The following HOXD13 variants were observed in gnomAD, a reference collection of about 807,000 sequenced individuals.
HOXD13 encodes the protein homeobox protein Hox-D13.
In HOXD13, 16 loss-of-function variants were observed where a neutral mutation model predicts 27.3. The ratio of observed to expected loss-of-function variants is 0.59; its 90% CI spans 0.40 to 0.89. The LOEUF is 0.89. HOXD13 is among the 40% of genes least tolerant of loss of function. The probability of loss-of-function intolerance (pLI) is 0.00; values close to 1 mark genes in which losing one functional copy is unlikely to be tolerated. For missense variants in HOXD13, 481 were observed against 482.6 expected, an observed-to-expected ratio of 1.00 and a Z score of 0.03; for synonymous variants, 241 against 219.0, an observed-to-expected ratio of 1.10 and a Z score of -0.89.
chr2:176,095,287 G>A lies in HOXD13; in HGVS notation c.*557G>A, dbSNP rs1425496262. ...CTAAAAACAGGAGGCTGAAGGTACT[G>A]TGATGGCTTTAAAAATGGCCACCTT... On this transcript the variant is annotated 3_prime_UTR_variant, in exon 2 of 2. Transcript: ENST00000392539. 5 of 228,868 alleles carry A rather than the reference G, an allele frequency of 2.2e-5. No individual in the cohort carries two copies. In the East Asian group the frequency reaches 3.2e-4, roughly 14 times the overall value. The allele number at this position is 228,868 out of a possible 1,614,324, so 14.2% of individuals were successfully genotyped here.
At chr2:176,089,735 G>A (rs569957026), upstream of HOXD13, among the ~76,000 whole-genome samples, 1 of 152,348 alleles carries the variant, frequency 6.6e-6, no homozygotes, top group East Asian at 1.9e-4. Flanking sequence ...AGGAGCAAGT[G>A]ATGGGAGAAT....
At chr2:176,087,798 T>G (rs1392191900), upstream of HOXD13, among the ~76,000 whole-genome samples, 6 of 152,232 alleles carry the variant, frequency 3.9e-5, no homozygotes, top group East Asian at 1.2e-3. Flanking sequence ...AGGACTTCCT[T>G]CGCATGGACT....
rs568205324 is a variant in HOXD13 at position 176,095,402 on chromosome 2, A to G, written c.*672A>G. 2.2e-5 allele frequency: 5 copies of G among 229,566 alleles called. No individual in the cohort carries two copies. The Admixed American group carries it at 2.8e-4, about 13-fold the overall frequency. The allele number at this position is 229,566 out of a possible 1,614,324, so 14.2% of individuals were successfully genotyped here. On this transcript the variant is annotated 3_prime_UTR_variant, in exon 2 of 2. Coordinates refer to ENST00000392539, the MANE Select transcript of HOXD13 (RefSeq NM_000523.4). Reference sequence around the variant, plus strand: ...GCTGTTTTAATTGTTTGTTTTTAACACTTTGTAGGTTTGTGTTTTCATAAT... The same window carrying G: ...GCTGTTTTAATTGTTTGTTTTTAACGCTTTGTAGGTTTGTGTTTTCATAAT...
At position 176,092,950 on chromosome 2, in the gene HOXD13, T is replaced by G. The variant is rs981893175; in HGVS notation, c.60T>G (p.Gly20=). ...DGLRADGGGA[G]GAPASSSSSS... ...TGCGGGCAGACGGCGGGGGCGCCGG[T>G]GGCGCCCCGGCCTCTTCCTCCTCCT... Residue 20 remains glycine, a synonymous_variant, in exon 1 of 2, where the codon GGT becomes GGG. Transcript: ENST00000392539. 18 of 1,323,666 alleles carry G rather than the reference T, an allele frequency of 1.4e-5. No individual in the cohort carries two copies. Among genetic ancestry groups the G allele is most frequent in the African/African-American group, 3.1e-5 (2 of 64,496 alleles). The allele number at this position is 1,323,666 out of a possible 1,614,324, so 82.0% of individuals were successfully genotyped here. A position where few individuals can be genotyped will look rare whatever the true frequency, so the allele number is the denominator to read the frequency against.
chr2:176,087,911 T>G (rs1214780594), upstream of HOXD13, among the ~76,000 whole-genome samples: 3 of 152,262 alleles, frequency 2.0e-5, no homozygotes, highest in African/African-American at 7.2e-5. Flanking sequence ...CAGCGGGTCC[T>G]CTGAGGTGAA....
rs545467978 is a variant in HOXD13, at chr2:176,094,285, A to G, written c.782-195A>G. 2.0e-5 allele frequency among the ~76,000 whole-genome samples: 3 copies of G among 152,300 alleles called. No homozygotes were observed. The East Asian group carries it at 5.8e-4, about 29-fold the overall frequency. ...CAAATTAACCATTGTTGTTAAGTGCAAATAATCCTTCTTTAATAACAGGTA... is the reference window on the plus strand; with the variant it reads ...CAAATTAACCATTGTTGTTAAGTGCGAATAATCCTTCTTTAATAACAGGTA... On this transcript the variant is annotated intron_variant, in intron 1 of 1. Transcript: ENST00000392539.
Position 176,093,066 on chromosome 2 carries a change from C to T in HOXD13, c.176C>T (p.Ala59Val). The T allele has an allele frequency of 7.3e-7, 1 of 1,363,002 alleles. No individual in the cohort carries two copies. Among genetic ancestry groups the T allele is most frequent in the Non-Finnish European group, 9.4e-7 (1 of 1,064,382 alleles). The allele number at this position is 1,363,002 out of a possible 1,614,324, so 84.4% of individuals were successfully genotyped here. A position where few individuals can be genotyped will look rare whatever the true frequency, so the allele number is the denominator to read the frequency against. ...FAGTHSGRAA[A>V]AAAAAAAAAA... Reference sequence around the variant, plus strand: ...GGGACGCATTCGGGGCGGGCGGCGGCGGCGGCAGCGGCGGCTGCGGCGGCG... The same window carrying T: ...GGGACGCATTCGGGGCGGGCGGCGGTGGCGGCAGCGGCGGCTGCGGCGGCG... Residue 59 changes from alanine (A) to valine (V), a missense_variant, in exon 1 of 2, where the codon GCG becomes GTG. By Grantham distance (64) the Ala-to-Val change is moderately conservative (BLOSUM62 0). Transcript: ENST00000392539.
chr2:176,088,559 T>TA (rs1559105993), upstream of HOXD13, among the ~76,000 whole-genome samples: 2 of 151,800 alleles, frequency 1.3e-5, no homozygotes, highest in African/African-American at 4.8e-5. Context: ...CCCTTTCGGC[T>TA]CCCCCCTTCG....
Position 176,092,928 on chromosome 2 carries a change from G to A in HOXD13, c.38G>A (p.Arg13Gln), listed in dbSNP as rs1689343861. The change falls in exon 1 of 2, where the codon CGG (arginine) becomes CAG (glutamine). Residue 13 changes from arginine to glutamine, a missense_variant. Coordinates refer to ENST00000392539, the MANE Select transcript of HOXD13 (RefSeq NM_000523.4). ...GGGAGCTGGGACATGGACGGGCTGC[G>A]GGCAGACGGCGGGGGCGCCGGTGGC... ...RAGSWDMDGLRADGGGAGGAP... is the reference protein window; with the variant it reads ...RAGSWDMDGLQADGGGAGGAP... 2 of 1,332,170 alleles carry A rather than the reference G, an allele frequency of 1.5e-6. No individual in the cohort carries two copies. The highest frequency in any genetic ancestry group is 1.5e-5 in the African/African-American group (1 of 64,850). 82.5% of individuals were successfully genotyped at this position (1,332,170 alleles called of 1,614,324 possible).
At chr2:176,091,870 C>T (rs1384122402), upstream of HOXD13, among the ~76,000 whole-genome samples, 2 of 152,022 alleles carry the variant, frequency 1.3e-5, no homozygotes, top group Admixed American at 6.5e-5. Flanking sequence ...TGGCTTTCTC[C>T]CCCGGCGCCG....
chr2:176,093,217 A>G lies in HOXD13; in HGVS notation c.327A>G (p.Ala109=), dbSNP rs1689353867. Residue 109 remains alanine, a synonymous_variant, in exon 1 of 2, where the codon GCA becomes GCG. Coordinates refer to ENST00000392539, the MANE Select transcript of HOXD13 (RefSeq NM_000523.4). ...CTCCCCCAGCCAAAGAGTGCCCAGCACCCACGCCTGCAGCGGCCGCTGCAG... is the reference window on the plus strand; with the variant it reads ...CTCCCCCAGCCAAAGAGTGCCCAGCGCCCACGCCTGCAGCGGCCGCTGCAG... ...PEAPPAKECP[A]PTPAAAAAAP... 6.2e-7 allele frequency: 1 copy of G among 1,608,666 alleles called. No homozygotes were observed. Among genetic ancestry groups the G allele is most frequent in the African/African-American group, 1.3e-5 (1 of 74,836 alleles).
At chr2:176,088,342 G>T (rs1303285595), upstream of HOXD13, among the ~76,000 whole-genome samples, 4 of 152,246 alleles carry the variant, frequency 2.6e-5, no homozygotes, top group Non-Finnish European at 5.9e-5. Flanking sequence ...CACTCCCGTC[G>T]CAATCCCGCG....
In HOXD13 at chr2:176,094,792, GA is replaced by G; in HGVS notation, c.*65del. 1 of 1,455,414 alleles carries G rather than the reference GA, an allele frequency of 6.9e-7. No individual in the cohort carries two copies. The highest frequency in any genetic ancestry group is 9.6e-7 in the Non-Finnish European group (1 of 1,036,418). The allele number at this position is 1,455,414 out of a possible 1,614,324, so 90.2% of individuals were successfully genotyped here. ...TTCGGTTGTCTCCAAAAGGCCTTTG[GA>G]AAGACTTGAATATGTATTTAATTCC... On this transcript the variant is annotated 3_prime_UTR_variant, in exon 2 of 2. Transcript: ENST00000392539.
rs755848849 is a variant in HOXD13, at chr2:176,093,380, G to T, written c.490G>T (p.Val164Leu). 1 of 1,613,970 alleles carries T rather than the reference G, an allele frequency of 6.2e-7. No individual in the cohort carries two copies. Among genetic ancestry groups the T allele is most frequent in the Non-Finnish European group, 8.5e-7 (1 of 1,180,042 alleles). ...GCACGCCTCGCTGGGAGGCTTTCCC[G>T]TGGAGAAGTACATGGACGTGTCAGG... ...SPHASLGGFP[V>L]EKYMDVSGLA... The change falls in exon 1 of 2, where the codon GTG (valine) becomes TTG (leucine). Residue 164 changes from valine to leucine, a missense_variant. Physicochemically the swap from Val to Leu is conservative, Grantham distance 32. Coordinates refer to ENST00000392539, the MANE Select transcript of HOXD13 (RefSeq NM_000523.4).
At chr2:176,087,864 G>T, upstream of HOXD13, among the ~76,000 whole-genome samples, 1 of 152,250 alleles carries the variant, frequency 6.6e-6, no homozygotes, top group East Asian at 1.9e-4. Context: ...TAATTTTTTG[G>T]TTAGGTTTCC....
Position 176,094,484 on chromosome 2 carries a change from T to C in HOXD13, c.786T>C (p.Asp262=). The change falls in exon 2 of 2, where the codon GAT becomes GAC. Residue 262 remains aspartate (D), a synonymous_variant. Coordinates refer to ENST00000392539, the MANE Select transcript of HOXD13 (RefSeq NM_000523.4). ...SHFWKSSFPG[D]VALNQPDMCV... is the part of the protein sequence containing the mutation. ...TTGTGCTTTTGTTTGTATCAGGGGA[T>C]GTGGCTCTAAATCAGCCGGACATGT... The C allele has an allele frequency of 6.2e-7, 1 of 1,614,046 alleles. No individual in the cohort carries two copies. Among genetic ancestry groups the C allele is most frequent in the Non-Finnish European group, 8.5e-7 (1 of 1,179,980 alleles).
At position 176,095,457 on chromosome 2, in the gene HOXD13, G is replaced by A. The variant is rs529470540; in HGVS notation, c.*727G>A. On this transcript the variant is annotated 3_prime_UTR_variant, in exon 2 of 2. Transcript: ENST00000392539. Reference sequence around the variant, plus strand: ...AATTTGAAACTCATGTGTCCTCATGGATCGTGGATGCCTTCATTTCTTGAG... The same window carrying A: ...AATTTGAAACTCATGTGTCCTCATGAATCGTGGATGCCTTCATTTCTTGAG... 6 of 230,032 alleles carry A rather than the reference G, an allele frequency of 2.6e-5. 1 individual carries two copies. The highest frequency in any genetic ancestry group is 1.3e-4 in the African/African-American group (6 of 45,260). 14.2% of individuals were successfully genotyped at this position (230,032 alleles called of 1,614,324 possible).
chr2:176,091,059 G>A (rs1291111550), upstream of HOXD13, among the ~76,000 whole-genome samples: 1 of 152,160 alleles, frequency 6.6e-6, no homozygotes, highest in East Asian at 1.9e-4. Context: ...GAATTCTCTT[G>A]CTTTTCCTTT....
rs1166185321 is a variant in HOXD13 at position 176,092,985 on chromosome 2, C to T, written c.95C>T (p.Ala32Val). The stretch of plus-strand genomic sequence containing the variant: ...GCCTCTTCCTCCTCCTCATCGGTGG[C>T]GGCGGCGGCGGCGTCAGGCCAGTGC... ...APASSSSSSV[A>V]AAAASGQCRG... Residue 32 changes from alanine to valine, a missense_variant, in exon 1 of 2, where the codon GCG (alanine) becomes GTG (valine). Ala to Val is a moderately conservative substitution (Grantham distance 64). Coordinates refer to ENST00000392539, the MANE Select transcript of HOXD13 (RefSeq NM_000523.4). 38 of 1,341,916 alleles carry T rather than the reference C, an allele frequency of 2.8e-5. No homozygotes were observed. Among genetic ancestry groups the T allele is most frequent in the Non-Finnish European group, 3.4e-5 (36 of 1,049,378 alleles). 83.1% of individuals were successfully genotyped at this position (1,341,916 alleles called of 1,614,324 possible). A position where few individuals can be genotyped will look rare whatever the true frequency, so the allele number is the denominator to read the frequency against.
Sources: gnomAD v4.1 joint callset for allele counts (sites outside exome capture counted in the v4.1 genomes callset) on GRCh38, gnomAD v4.1.1 for gene constraint, MANE v1.5 for transcripts, NCBI Gene and HGNC (gene_info 2026-07-23, HGNC 2026-07-21) for gene names.